Variants in AGMO observed in about 807,000 individuals in gnomAD.
AGMO encodes the protein alkylglycerol monooxygenase.
In AGMO, 75 loss-of-function variants were observed where a neutral mutation model predicts 60.2. The ratio of observed to expected loss-of-function variants is 1.25; its 90% CI spans 1.03 to 1.51. The LOEUF is 1.51. Ranked by LOEUF, AGMO falls within the 40% of genes most tolerant of loss-of-function variation. AGMO has a pLI of 0.00. For synonymous variants in AGMO, 261 were observed against 177.1 expected, an observed-to-expected ratio of 1.47 and a Z score of -3.76; for missense variants, 763 against 525.5, an observed-to-expected ratio of 1.45 and a Z score of -4.42.
chr7:15,248,222 A>ATATCTATATCTATC (rs1171274422), intron 12 of AGMO, among the ~76,000 whole-genome samples: 42 of 104,182 alleles, frequency 4.0e-4, no homozygotes, highest in African/African-American at 1.5e-3. Flanking sequence ...ATATATATAT[A>ATATCTATATCTATC]TATCTTCATC....
At chr7:15,122,085 C>T in the AGMO span, among the ~76,000 whole-genome samples, 2 of 152,054 alleles carry the variant, frequency 1.3e-5, no homozygotes, top group Non-Finnish European at 2.9e-5. Context: ...AGAGCTTCTG[C>T]TCAGCAAAAG....
chr7:15,283,979 T>C (rs1030326756), intron 12 of AGMO, among the ~76,000 whole-genome samples: 2 of 151,992 alleles, frequency 1.3e-5, no homozygotes, highest in Non-Finnish European at 2.9e-5. Context: ...TCCTAAATTA[T>C]TTTTGGGTTA....
the AGMO span, among the ~76,000 whole-genome samples, chr7:15,173,054 T>C: frequency 1.3e-5 from 2 of 152,220 alleles, no homozygotes; most frequent in South Asian, 4.1e-4. Context: ...TACTTTTTAC[T>C]AAATCTGTTT....
intron 7 of AGMO, 24 bp from the exon 8 acceptor site, chr7:15,390,774 G>C: frequency 1.9e-6 from 3 of 1,595,268 alleles, no homozygotes; most frequent in East Asian, 4.5e-5. Flanking sequence ...ATAAAGATAT[G>C]AGATTTGGCT....
intron 12 of AGMO, among the ~76,000 whole-genome samples, chr7:15,311,152 A>T (rs764218773): frequency 2.6e-5 from 4 of 152,134 alleles, no homozygotes; most frequent in Non-Finnish European, 5.9e-5. Context: ...CAACTCTGCT[A>T]CTAAAAACAA....
At chr7:15,306,900 T>G (rs118189555) in intron 12 of AGMO, among the ~76,000 whole-genome samples, 1 of 152,110 alleles carries the variant, frequency 6.6e-6, no homozygotes, top group East Asian at 1.9e-4. Flanking sequence ...ACTCTTTGTA[T>G]AAAATAGTTT....
At chr7:15,268,219 T>G (rs1390832511) in intron 12 of AGMO, among the ~76,000 whole-genome samples, 1 of 152,010 alleles carries the variant, frequency 6.6e-6, no homozygotes, top group African/African-American at 2.4e-5. Context: ...TTGCCTTACA[T>G]GTTTAATCAG....
chr7:15,474,907 AGAAGACATT>A (rs1358004339), intron 3 of AGMO, among the ~76,000 whole-genome samples: 3 of 152,182 alleles, frequency 2.0e-5, no homozygotes, highest in Non-Finnish European at 4.4e-5. Flanking sequence ...ACGTCTCAAA[AGAAGACATT>A]TATGTGGCCG....
chr7:15,249,090 G>A (rs1348607305), intron 12 of AGMO, among the ~76,000 whole-genome samples: 5 of 152,162 alleles, frequency 3.3e-5, no homozygotes, highest in African/African-American at 1.2e-4. Context: ...TGAGCATTAG[G>A]TGCCATGGAT....
rs1485312070 is a variant in AGMO at position 15,499,930 on chromosome 7, C to CAT, written c.409+44841_409+44842insAT. 1.8e-4 allele frequency among the ~76,000 whole-genome samples: 14 copies of CAT among 78,480 alleles called. No homozygotes were observed. In the East Asian group the frequency reaches 9.4e-3, roughly 53 times the overall value. 51.5% of individuals were successfully genotyped at this position (78,480 alleles called of 152,430 possible). On this transcript the variant is annotated intron_variant, in intron 3 of 12. Coordinates refer to ENST00000342526, the MANE Select transcript of AGMO (RefSeq NM_001004320.2). ...ACGCACACACACACACACACACACA[C>CAT]ACATATATATATATAATATATATAT...
chr7:15,176,569 A>G, the AGMO span, among the ~76,000 whole-genome samples: 1 of 151,960 alleles, frequency 6.6e-6, no homozygotes, highest in Non-Finnish European at 1.5e-5. Flanking sequence ...AATTATATAT[A>G]TTCAAATGTA....
At chr7:15,348,229 A>G (rs1005927702) in intron 12 of AGMO, among the ~76,000 whole-genome samples, 1 of 152,020 alleles carries the variant, frequency 6.6e-6, no homozygotes, top group African/African-American at 2.4e-5. Context: ...CCAACTCCAA[A>G]GGACACCTGA....
chr7:15,547,706 G>C (rs1257673118), intron 2 of AGMO, among the ~76,000 whole-genome samples: 2 of 152,090 alleles, frequency 1.3e-5, no homozygotes, highest in African/African-American at 2.4e-5. Context: ...AGCAGTCTGA[G>C]ATCAAACTGC....
At chr7:15,446,894 C>G (rs1298495985) in intron 3 of AGMO, among the ~76,000 whole-genome samples, 1 of 152,126 alleles carries the variant, frequency 6.6e-6, no homozygotes, top group Non-Finnish European at 1.5e-5. Flanking sequence ...CAATCTATGT[C>G]CTCATTCTCT....
chr7:15,394,570 T>C (rs1340120174), intron 5 of AGMO, among the ~76,000 whole-genome samples: 1 of 152,180 alleles, frequency 6.6e-6, no homozygotes, highest in Non-Finnish European at 1.5e-5. Context: ...TGTTACTGTA[T>C]TACACACCAC....
chr7:15,404,489 A>G (rs1184687725), intron 5 of AGMO, among the ~76,000 whole-genome samples: 1 of 151,952 alleles, frequency 6.6e-6, no homozygotes, highest in African/African-American at 2.4e-5. Context: ...GTAGATTTAC[A>G]GAAGAAAAAC....
chr7:15,465,589 T>TTATG (rs1782262270), intron 3 of AGMO, among the ~76,000 whole-genome samples: 1 of 145,362 alleles, frequency 6.9e-6, no homozygotes, highest in South Asian at 2.1e-4. Context: ...GTCCGGCTAA[T>TTATG]TATATATATA....
chr7:15,149,444 T>C, the AGMO span, among the ~76,000 whole-genome samples: 1 of 152,180 alleles, frequency 6.6e-6, no homozygotes, highest in South Asian at 2.1e-4. Context: ...TTTATATAGT[T>C]GTAGGTCTTA....
Position 15,366,239 on chromosome 7 carries a change from G to A in AGMO, c.1075-17C>T, listed in dbSNP as rs1429423055. 6.3e-7 allele frequency: 1 copy of A among 1,575,604 alleles called. No individual in the cohort carries two copies. Among genetic ancestry groups the A allele is most frequent in the East Asian group, 2.3e-5 (1 of 42,920 alleles). On this transcript the variant is annotated splice_polypyrimidine_tract_variant and intron_variant, in intron 10 of 12. Transcript: ENST00000342526. ...CGACAGTGCCTGTCAAACAAACACG[G>A]AGATCAATGGAGCCGTTAGAAGAAT...
Sources: gnomAD v4.1 joint callset for allele counts (sites outside exome capture counted in the v4.1 genomes callset) on GRCh38, gnomAD v4.1.1 for gene constraint, MANE v1.5 for transcripts, NCBI Gene and HGNC (gene_info 2026-07-23, HGNC 2026-07-21) for gene names.